SFMBT2: variants seen among roughly 807,000 people sequenced by gnomAD.
SFMBT2 encodes Scm like with four mbt domains 2, also known as scm-like with four MBT domains protein 2.
In SFMBT2, 38 loss-of-function variants were observed where a neutral mutation model predicts 110.1. The ratio of observed to expected loss-of-function variants is 0.35; its 90% CI spans 0.27 to 0.45. The LOEUF is 0.45. SFMBT2 is among the 20% of genes least tolerant of loss of function. The probability of loss-of-function intolerance (pLI) is 1.00; values close to 1 mark genes in which losing one functional copy is unlikely to be tolerated. For synonymous variants in SFMBT2, 425 were observed against 425.4 expected (o/e 1.00, Z 0.01); for missense variants, 1,011 against 1,094.9 (o/e 0.92, Z 1.08).
chr10:7,321,938 GT>G (rs964734314), intron 4 of SFMBT2, among the ~76,000 whole-genome samples: 4 of 152,136 alleles, frequency 2.6e-5, no homozygotes, highest in African/African-American at 9.7e-5. Flanking sequence ...TCCATTGGAG[GT>G]TTTTTTAGGG....
At chr10:7,175,930 C>CT in intron 17 of SFMBT2, 60 bp downstream of exon 17, 4 of 1,487,198 alleles carry the variant, frequency 2.7e-6, no homozygotes, top group Non-Finnish European at 3.7e-6. Flanking sequence ...AACCAAATAC[C>CT]TTAGAGTGCA....
At chr10:7,329,734 G>A (rs931891087) in intron 4 of SFMBT2, 1 of 152,906 alleles carries the variant, frequency 6.5e-6, no homozygotes, top group Admixed American at 6.5e-5. Context: ...CAGCATGGCG[G>A]CCTCACAGCA....
chr10:7,246,718 C>CAAAAAAAA (rs397949347), intron 8 of SFMBT2, among the ~76,000 whole-genome samples: 2 of 72,144 alleles, frequency 2.8e-5, no homozygotes, highest in African/African-American at 5.9e-5. Context: ...GACTCCATCT[C>CAAAAAAAA]AAAAAAAAAA....
intron 4 of SFMBT2, among the ~76,000 whole-genome samples, chr10:7,325,258 G>A (rs1037220335): frequency 3.3e-5 from 5 of 151,874 alleles, no homozygotes; most frequent in Non-Finnish European, 5.9e-5. Context: ...CTGAGCCACC[G>A]CGCCCCCACC....
chr10:7,259,318 A>G (rs1474911001), intron 7 of SFMBT2, among the ~76,000 whole-genome samples: 3 of 152,214 alleles, frequency 2.0e-5, no homozygotes, highest in Non-Finnish European at 4.4e-5. Flanking sequence ...CCCACTGCCA[A>G]GCAGCCTGGA....
At chr10:7,333,394 T>TA (rs968394901) in intron 4 of SFMBT2, among the ~76,000 whole-genome samples, 1 of 140,400 alleles carries the variant, frequency 7.1e-6, no homozygotes, top group African/African-American at 2.7e-5. Flanking sequence ...AGGCTTACCT[T>TA]TTTTTTTTTT....
chr10:7,179,831 G>T (rs1285558198), intron 16 of SFMBT2, among the ~76,000 whole-genome samples: 1 of 152,236 alleles, frequency 6.6e-6, no homozygotes, highest in Non-Finnish European at 1.5e-5. Context: ...TGATTTCACG[G>T]AAACAAGTGT....
Position 7,263,937 on chromosome 10 carries a change from T to C in SFMBT2, c.870+12955A>G, listed in dbSNP as rs552285499. The C allele has an allele frequency of 2.2e-5, 4 of 178,440 alleles. No individual in the cohort carries two copies. In the South Asian group the frequency reaches 5.6e-4, roughly 25 times the overall value. 11.1% of individuals were successfully genotyped at this position (178,440 alleles called of 1,614,324 possible). On this transcript the variant is annotated intron_variant, in intron 7 of 20. Transcript: ENST00000397167. ...TTAATCTAGGTCTCCGATGCTAAAA[T>C]GTAGGAGAGATTCCCTCCTAAGGGT...
chr10:7,279,051 A>T (rs1013298330), intron 6 of SFMBT2, among the ~76,000 whole-genome samples: 4 of 151,262 alleles, frequency 2.6e-5, no homozygotes, highest in African/African-American at 9.7e-5. Context: ...CAGTGAGCTG[A>T]GATTGTGCCA....
intron 4 of SFMBT2, among the ~76,000 whole-genome samples, chr10:7,319,922 GAGAGACTGAGAGAGACAC>G (rs1162144432): frequency 2.0e-5 from 3 of 151,270 alleles, no homozygotes; most frequent in African/African-American, 4.8e-5. Flanking sequence ...GAGAGAGACA[GAGAGACTGAGAGAGACAC>G]AGAGACTGAG....
intron 1 of SFMBT2, among the ~76,000 whole-genome samples, chr10:7,397,345 G>C (rs866918066): frequency 4.0e-5 from 6 of 151,678 alleles, no homozygotes; most frequent in African/African-American, 9.7e-5. Context: ...CAAAGGGAAA[G>C]GGCTTGCGGT....
At chr10:7,292,597 T>C (rs9329325) in intron 4 of SFMBT2, among the ~76,000 whole-genome samples, 24,180 of 152,038 alleles carry the variant, frequency 0.16, 2,302 homozygotes, top group African/African-American at 0.26. Flanking sequence ...CACACACACA[T>C]CCCTTAGTAC....
chr10:7,279,673 A>C (rs995716931), intron 6 of SFMBT2, among the ~76,000 whole-genome samples: 1 of 152,240 alleles, frequency 6.6e-6, no homozygotes, highest in Non-Finnish European at 1.5e-5. Context: ...GAGCAATTAA[A>C]ACATGTCCCG....
Position 7,410,926 on chromosome 10 carries a change from C to T in SFMBT2, c.-117G>A, listed in dbSNP as rs531856176. Among the ~76,000 whole-genome samples the T allele has an allele frequency of 6.6e-6, 1 of 151,596 alleles. No homozygotes were observed. The highest frequency in any genetic ancestry group is 1.5e-5 in the Non-Finnish European group (1 of 67,826). ...CGGTCGCCGCCCGGGAGGGCACCGG[C>T]CTCGCTCGCTTGCTCGCTCGCCCGC... On this transcript the variant is annotated 5_prime_UTR_variant, in exon 1 of 21. Coordinates refer to ENST00000397167, the MANE Select transcript of SFMBT2 (RefSeq NM_001387889.1).
intron 7 of SFMBT2, among the ~76,000 whole-genome samples, chr10:7,267,541 G>A (rs1029726546): frequency 1.3e-5 from 2 of 152,104 alleles, no homozygotes; most frequent in African/African-American, 2.4e-5. Flanking sequence ...TCCGCCTCTC[G>A]GGTTCAAGTG....
In SFMBT2 at chr10:7,387,818, T is replaced by A. The variant is rs1011353249; in HGVS notation, c.-51-5869A>T. Among the ~76,000 whole-genome samples the A allele has an allele frequency of 2.0e-5, 3 of 148,706 alleles. No homozygotes were observed. In the East Asian group the frequency reaches 5.9e-4, roughly 29 times the overall value. On this transcript the variant is annotated intron_variant, in intron 1 of 20. Coordinates refer to ENST00000397167, the MANE Select transcript of SFMBT2 (RefSeq NM_001387889.1). ...AACCAATTAGCTGGGTATGGTCGTG[T>A]GCACCTGTAATCCCAGCTACTCAGG...
chr10:7,256,219 C>T (rs1390026315), intron 7 of SFMBT2, among the ~76,000 whole-genome samples: 1 of 152,102 alleles, frequency 6.6e-6, no homozygotes, highest in East Asian at 1.9e-4. Flanking sequence ...CAGTCTGAGC[C>T]CACCCTCTAG....
chr10:7,166,114 G>A (rs1427229065), intron 20 of SFMBT2, among the ~76,000 whole-genome samples: 1 of 152,184 alleles, frequency 6.6e-6, no homozygotes, highest in African/African-American at 2.4e-5. Flanking sequence ...ATTAAACCAT[G>A]GACAGTTGGC....
intron 9 of SFMBT2, among the ~76,000 whole-genome samples, chr10:7,230,651 G>A (rs137881307): frequency 9.8e-5 from 15 of 152,294 alleles, no homozygotes; most frequent in African/African-American, 2.6e-4. Context: ...AAAGAAAAGC[G>A]TCTGGGTGCG....
Sources: allele counts gnomAD v4.1 joint callset (sites outside exome capture counted in the v4.1 genomes callset), GRCh38; gene constraint gnomAD v4.1.1; transcripts MANE v1.5; gene names NCBI Gene and HGNC (gene_info 2026-07-23, HGNC 2026-07-21).